TMEM178B: variants seen among roughly 807,000 people sequenced by gnomAD.
The protein encoded by TMEM178B is transmembrane protein 178B.
A neutral mutation model predicts 31.0 loss-of-function variants in TMEM178B; 5 were observed. That is an observed-to-expected ratio of 0.16 (90% CI 0.08 to 0.34). The LOEUF (loss-of-function observed/expected upper bound fraction) is 0.34, where lower values mean the gene tolerates loss of function less well. Ranked by LOEUF, TMEM178B falls within the 10% of genes least tolerant of loss-of-function variation. The pLI, the probability that TMEM178B is intolerant of heterozygous loss-of-function variation, is 1.00. For missense variants in TMEM178B, 275 were observed against 400.3 expected, an observed-to-expected ratio of 0.69 and a Z score of 2.67; for synonymous variants, 164 against 164.0, an observed-to-expected ratio of 1.00 and a Z score of 0.00.
chr7:141,337,239 C>T (rs1586900088), intron 2 of TMEM178B, among the ~76,000 whole-genome samples: 1 of 119,500 alleles, frequency 8.4e-6, no homozygotes. Context: ...ACCACCCCCA[C>T]TACCACCATG....
intron 1 of TMEM178B, among the ~76,000 whole-genome samples, chr7:141,090,495 C>G (rs780056450): frequency 3.9e-5 from 6 of 152,244 alleles, no homozygotes; most frequent in Non-Finnish European, 7.3e-5. Context: ...GCAGCCTCCT[C>G]ATATCTCCTC....
intron 2 of TMEM178B, among the ~76,000 whole-genome samples, chr7:141,387,122 A>C (rs1164389575): frequency 6.6e-6 from 1 of 152,146 alleles, no homozygotes; most frequent in African/African-American, 2.4e-5. Context: ...TCAAATTTGC[A>C]TGCAATCTCA....
At chr7:141,225,650 G>A (rs1350223263) in intron 2 of TMEM178B, among the ~76,000 whole-genome samples, 4 of 152,182 alleles carry the variant, frequency 2.6e-5, no homozygotes, top group Admixed American at 2.6e-4. Context: ...TTTCCAGTCA[G>A]TTTTGCCTCT....
At position 141,171,417 on chromosome 7, in the gene TMEM178B, A is replaced by G. The variant is rs1036454433; in HGVS notation, c.383-41174A>G. Among the ~76,000 whole-genome samples the G allele has an allele frequency of 1.1e-4, 16 of 152,176 alleles. No individual in the cohort carries two copies. The highest frequency in any genetic ancestry group is 1.5e-5 in the Non-Finnish European group (1 of 68,022). ...TACTTCTGTGAAATCGTTTTTACTGACTGGGAAACAGTCTGGGAGCTCAAG... is the reference window on the plus strand; with the variant it reads ...TACTTCTGTGAAATCGTTTTTACTGGCTGGGAAACAGTCTGGGAGCTCAAG... On this transcript the variant is annotated intron_variant, in intron 1 of 3. Transcript: ENST00000565468. The surrounding 1 kb of genome is among the most constrained non-coding windows in gnomAD (Gnocchi z 4.3).
chr7:141,097,642 A>ATTTT (rs200273829), intron 1 of TMEM178B, among the ~76,000 whole-genome samples: 3 of 151,914 alleles, frequency 2.0e-5, no homozygotes, highest in African/African-American at 7.3e-5. Flanking sequence ...AATCTTTAGC[A>ATTTT]TTTTCATCAA....
At chr7:141,349,678 A>G (rs1799680103) in intron 2 of TMEM178B, among the ~76,000 whole-genome samples, 1 of 152,234 alleles carries the variant, frequency 6.6e-6, no homozygotes, top group Admixed American at 6.5e-5. Flanking sequence ...ATTCAGCAGA[A>G]TAAGGGGACA....
At chr7:141,493,646 C>T in the TMEM178B span, among the ~76,000 whole-genome samples, 1 of 152,204 alleles carries the variant, frequency 6.6e-6, no homozygotes, top group African/African-American at 2.4e-5. Flanking sequence ...AGCTCCATCA[C>T]CTTCCGCTGC....
chr7:141,156,981 T>C (rs1796080941), intron 1 of TMEM178B, among the ~76,000 whole-genome samples: 1 of 152,220 alleles, frequency 6.6e-6, no homozygotes, highest in African/African-American at 2.4e-5. Context: ...GCCTCCCAGC[T>C]ATAGTTGGGG....
At chr7:141,210,380 T>C (rs936745701) in intron 1 of TMEM178B, among the ~76,000 whole-genome samples, 1 of 152,112 alleles carries the variant, frequency 6.6e-6, no homozygotes, top group African/African-American at 2.4e-5. Context: ...GGAGAATTGC[T>C]TGAACCCGGG....
chr7:141,391,355 G>A (rs949993857), intron 2 of TMEM178B, among the ~76,000 whole-genome samples: 1 of 151,954 alleles, frequency 6.6e-6, no homozygotes, highest in African/African-American at 2.4e-5. Flanking sequence ...TAGTAGAGAC[G>A]GGTTTTCACC....
intron 1 of TMEM178B, among the ~76,000 whole-genome samples, chr7:141,146,906 G>A (rs1204746900): frequency 6.6e-6 from 1 of 152,182 alleles, no homozygotes; most frequent in Non-Finnish European, 1.5e-5. Context: ...ATGGGAAGGC[G>A]CTTGCAGCTG....
chr7:141,259,540 T>C (rs1296261483), intron 2 of TMEM178B, among the ~76,000 whole-genome samples: 1 of 152,208 alleles, frequency 6.6e-6, no homozygotes, highest in Non-Finnish European at 1.5e-5. Context: ...AAATTTTAGA[T>C]AATATATTGT....
intron 2 of TMEM178B, among the ~76,000 whole-genome samples, chr7:141,381,200 C>T (rs1800308994): frequency 6.6e-6 from 1 of 152,238 alleles, no homozygotes; most frequent in East Asian, 1.9e-4. Flanking sequence ...AACCCCCCAC[C>T]TGTATCAAAG....
intron 3 of TMEM178B, among the ~76,000 whole-genome samples, chr7:141,462,712 G>A (rs1802080326): frequency 6.6e-6 from 1 of 152,122 alleles, no homozygotes. Context: ...AGACGGAGGA[G>A]GCAGCTATGT....
chr7:141,273,261 C>G (rs1466945801), intron 2 of TMEM178B, among the ~76,000 whole-genome samples: 1 of 152,174 alleles, frequency 6.6e-6, no homozygotes, highest in Non-Finnish European at 1.5e-5. Context: ...AGAGTGCAAA[C>G]TTTCACTTAT....
At position 141,368,873 on chromosome 7, in the gene TMEM178B, C is replaced by T. The variant is rs138637589; in HGVS notation, c.497-68735C>T. ...TGGGTCTCTCACTAGAGGACCATGCCGCTCCTGCTTTGCTCCCTTACATCT... is the reference window on the plus strand; with the variant it reads ...TGGGTCTCTCACTAGAGGACCATGCTGCTCCTGCTTTGCTCCCTTACATCT... On this transcript the variant is annotated intron_variant, in intron 2 of 3. Transcript: ENST00000565468. Among the ~76,000 whole-genome samples the T allele has an allele frequency of 9.9e-4, 150 of 152,280 alleles. 1 individual carries two copies. Among genetic ancestry groups the T allele is most frequent in the African/African-American group, 3.5e-3 (144 of 41,542 alleles).
rs937284825 is a variant in TMEM178B at position 141,477,866 on chromosome 7, G to C, written c.*7080G>C. The C allele has an allele frequency of 6.6e-6, 1 of 152,222 alleles. No individual in the cohort carries two copies. Among genetic ancestry groups the C allele is most frequent in the Non-Finnish European group, 1.5e-5 (1 of 68,068 alleles). The allele number at this position is 152,222 out of a possible 1,614,324, so 9.4% of individuals were successfully genotyped here. A position where few individuals can be genotyped will look rare whatever the true frequency, so the allele number is the denominator to read the frequency against. Reference sequence around the variant, plus strand: ...GTGACCTTGAGCTAGCAGCCAGTTTGCACTCAGAGTCCAGAGCCTTCTATC... The same window carrying C: ...GTGACCTTGAGCTAGCAGCCAGTTTCCACTCAGAGTCCAGAGCCTTCTATC... On this transcript the variant is annotated 3_prime_UTR_variant, in exon 4 of 4. Coordinates refer to ENST00000565468, the MANE Select transcript of TMEM178B (RefSeq NM_001195278.2).
Position 141,158,479 on chromosome 7 carries a change from C to T in TMEM178B, c.383-54112C>T, listed in dbSNP as rs531584104. On this transcript the variant is annotated intron_variant, in intron 1 of 3. Coordinates refer to ENST00000565468, the MANE Select transcript of TMEM178B (RefSeq NM_001195278.2). ...GATCAATGTCTGTATCCCTTATATC[C>T]GGATGTTGCTAAGAACACAATAGGT... is the stretch of plus-strand genomic sequence containing the variant. Among the ~76,000 whole-genome samples the T allele has an allele frequency of 5.3e-5, 8 of 152,212 alleles. No individual in the cohort carries two copies. In the South Asian group the frequency reaches 1.2e-3, roughly 24 times the overall value.
At chr7:141,405,138 T>C (rs1362349173) in intron 2 of TMEM178B, among the ~76,000 whole-genome samples, 1 of 152,370 alleles carries the variant, frequency 6.6e-6, no homozygotes, top group East Asian at 1.9e-4. Flanking sequence ...CCTCTCCTAC[T>C]TGAACCACAG....
Sources: gnomAD v4.1 joint callset for allele counts (sites outside exome capture counted in the v4.1 genomes callset) on GRCh38, gnomAD v4.1.1 for gene constraint, Gnocchi (gnomAD v3.1) non-coding constraint, MANE v1.5 for transcripts, NCBI Gene and HGNC (gene_info 2026-07-23, HGNC 2026-07-21) for gene names.